Variants in TXNL4A observed in about 807,000 individuals in gnomAD.
The protein encoded by TXNL4A is thioredoxin like 4A.
In TXNL4A, 17 loss-of-function variants were observed where a neutral mutation model predicts 14.6. The observed-to-expected ratio is 1.16, with a 90% confidence interval of 0.80 to 1.74. The LOEUF is 1.74. Ranked by LOEUF, TXNL4A falls within the 40% of genes most tolerant of loss-of-function variation. The pLI, the probability that TXNL4A is intolerant of heterozygous loss-of-function variation, is 0.00. For missense variants in TXNL4A, 74 were observed against 195.2 expected (o/e 0.38, Z 3.70); for synonymous variants, 83 against 70.6 (o/e 1.18, Z -0.88).
At chr18:80,013,638 G>A (rs2051787222) in intron 1 of TXNL4A, among the ~76,000 whole-genome samples, 1 of 151,830 alleles carries the variant, frequency 6.6e-6, no homozygotes, top group African/African-American at 2.4e-5. Context: ...TAGAAAGGGG[G>A]TTTCACCATG....
chr18:80,002,815 C>T (rs2051706300), intron 1 of TXNL4A, among the ~76,000 whole-genome samples: 1 of 152,236 alleles, frequency 6.6e-6, no homozygotes, highest in African/African-American at 2.4e-5. Context: ...AATCAAAGCT[C>T]CTGGCTTTCC....
rs1010930779 is a variant in TXNL4A at position 79,993,850 on chromosome 18, A to G, written c.-60-16149T>C. ...CCCCAGAAAAACATGCTTAAGGTCT[A>G]ATCTCATCTGGTAGGTGCATATAAG... On this transcript the variant is annotated intron_variant, in intron 1 of 2. Transcript: ENST00000585474. This position sits in a 1 kb window ranked among gnomAD's most constrained non-coding sequence, Gnocchi z 4.4. Among the ~76,000 whole-genome samples the G allele has an allele frequency of 6.6e-6, 1 of 152,202 alleles. No individual in the cohort carries two copies. Among genetic ancestry groups the G allele is most frequent in the Non-Finnish European group, 1.5e-5 (1 of 68,032 alleles).
intron 1 of TXNL4A, 137 bp downstream of exon 1, chr18:79,988,103 G>C: frequency 1.8e-6 from 2 of 1,081,508 alleles, no homozygotes; most frequent in Non-Finnish European, 2.4e-6. Context: ...CCGCAGCGAG[G>C]GGAGGAATCG....
At chr18:80,027,770 A>C (rs1599758401) in intron 1 of TXNL4A, among the ~76,000 whole-genome samples, 1 of 152,206 alleles carries the variant, frequency 6.6e-6, no homozygotes, top group African/African-American at 2.4e-5. Context: ...GTCCAAAGAC[A>C]AACTTCAGCC....
At chr18:80,026,443 C>T (rs1345756307) in intron 1 of TXNL4A, among the ~76,000 whole-genome samples, 3 of 151,878 alleles carry the variant, frequency 2.0e-5, no homozygotes, top group Admixed American at 6.6e-5. Flanking sequence ...AGGGGTGCTC[C>T]GAGAAAGTAC....
upstream of TXNL4A, among the ~76,000 whole-genome samples, chr18:79,988,753 C>A (rs1018301949): frequency 1.2e-4 from 18 of 152,052 alleles, no homozygotes; most frequent in Non-Finnish European, 5.9e-5. Flanking sequence ...TCCTCCCCAG[C>A]GTCCAGGCGG....
At chr18:79,996,103 C>CAAACA (rs2051659747) in intron 1 of TXNL4A, among the ~76,000 whole-genome samples, 1 of 61,316 alleles carries the variant, frequency 1.6e-5, no homozygotes, top group Non-Finnish European at 2.7e-5. Context: ...GACTCTGACT[C>CAAACA]AAAAAAAAAA....
chr18:80,024,187 T>TAA (rs34519443), intron 1 of TXNL4A, among the ~76,000 whole-genome samples: 63 of 148,728 alleles, frequency 4.2e-4, no homozygotes, highest in South Asian at 8.5e-4. Flanking sequence ...ATTCACTGTT[T>TAA]AAAAAAAAAA....
chr18:79,977,863 T>A, intron 1 of TXNL4A, 162 bp from the exon 2 acceptor site: 1 of 605,926 alleles, frequency 1.7e-6, no homozygotes, highest in East Asian at 2.8e-5. Context: ...TAGAGTGCAA[T>A]GGTGCAATCA....
At position 79,983,126 on chromosome 18, in the gene TXNL4A, G is replaced by A. The variant is rs139192738; in HGVS notation, c.153+5114C>T. Among the ~76,000 whole-genome samples the A allele has an allele frequency of 8.0e-3, 1,218 of 152,050 alleles. 20 individuals are homozygous for A. Among genetic ancestry groups the A allele is most frequent in the African/African-American group, 0.027 (1,126 of 41,464 alleles). ...AGAGATCCTCCCACCTCAGCCTCCC[G>A]AGTAGCTGGGATTACAAGCGCCCAC... On this transcript the variant is annotated intron_variant, in intron 1 of 2. Coordinates refer to ENST00000269601, the MANE Select transcript of TXNL4A (RefSeq NM_006701.5).
chr18:79,989,308 C>T (rs189682600), upstream of TXNL4A, among the ~76,000 whole-genome samples: 214 of 152,136 alleles, frequency 1.4e-3, 1 homozygote, highest in African/African-American at 4.9e-3. Context: ...CGGGGTTTAA[C>T]CATGTTGGCC....
At chr18:79,994,806 C>T (rs1018875834) in intron 1 of TXNL4A, 2 of 152,400 alleles carry the variant, frequency 1.3e-5, no homozygotes, top group African/African-American at 4.8e-5. Context: ...CCACTCTACC[C>T]CTAACCCTCT....
chr18:79,992,028 G>A (rs2051631725), upstream of TXNL4A, among the ~76,000 whole-genome samples: 2 of 152,206 alleles, frequency 1.3e-5, no homozygotes, highest in South Asian at 4.1e-4. Flanking sequence ...AAGCGGGAAG[G>A]GGGCTTCCAG....
chr18:80,021,478 G>T (rs1379306259), intron 1 of TXNL4A, among the ~76,000 whole-genome samples: 2 of 152,174 alleles, frequency 1.3e-5, no homozygotes, highest in African/African-American at 4.8e-5. Flanking sequence ...CCCCTGGCTG[G>T]TTGGAGGGAC....
intron 1 of TXNL4A, among the ~76,000 whole-genome samples, chr18:80,013,143 CG>C (rs2051782924): frequency 7.3e-6 from 1 of 137,092 alleles, no homozygotes; most frequent in Admixed American, 7.3e-5. Flanking sequence ...TTTTTTGAGA[CG>C]GAGTCTGGCT....
intron 1 of TXNL4A, among the ~76,000 whole-genome samples, chr18:80,003,870 G>A (rs778195831): frequency 2.4e-4 from 36 of 152,236 alleles, no homozygotes; most frequent in East Asian, 9.7e-4. Flanking sequence ...AATGCCAGAC[G>A]CTTAACAAAA....
intron 1 of TXNL4A, among the ~76,000 whole-genome samples, chr18:79,987,587 G>T (rs564047660): frequency 6.6e-6 from 1 of 152,172 alleles, no homozygotes; most frequent in Admixed American, 6.5e-5. Flanking sequence ...CACAGAAAAA[G>T]AATGAAATCT....
chr18:80,023,564 G>T (rs2051863968), intron 1 of TXNL4A, among the ~76,000 whole-genome samples: 1 of 151,928 alleles, frequency 6.6e-6, no homozygotes, highest in African/African-American at 2.4e-5. Flanking sequence ...TAAAGGAACT[G>T]CTTAAATTTA....
intron 1 of TXNL4A, among the ~76,000 whole-genome samples, chr18:80,031,301 CACTG>C (rs1235024056): frequency 6.6e-6 from 1 of 152,164 alleles, no homozygotes; most frequent in African/African-American, 2.4e-5. Flanking sequence ...TATTATGAGA[CACTG>C]ACTGGCATGC....
Sources: gnomAD v4.1 joint callset for allele counts (sites outside exome capture counted in the v4.1 genomes callset) on GRCh38, gnomAD v4.1.1 for gene constraint, Gnocchi (gnomAD v3.1) non-coding constraint, MANE v1.5 for transcripts, NCBI Gene and HGNC (gene_info 2026-07-23, HGNC 2026-07-21) for gene names.